TBXAS1: variants seen among roughly 807,000 people sequenced by gnomAD.
TBXAS1 encodes thromboxane-A synthase.
Under a neutral mutation model 60.7 loss-of-function variants are expected in TBXAS1, and 48 were observed. That is an observed-to-expected ratio of 0.79 (90% CI 0.63 to 1.01). TBXAS1 has a LOEUF of 1.01. Among genes scored for constraint, TBXAS1 ranks in the 50% least tolerant of loss-of-function variants. The probability of loss-of-function intolerance (pLI) is 0.00; values close to 1 mark genes in which losing one functional copy is unlikely to be tolerated. For synonymous variants in TBXAS1, 287 were observed against 269.7 expected, an observed-to-expected ratio of 1.06 and a Z score of -0.63; for missense variants, 685 against 686.3, an observed-to-expected ratio of 1.00 and a Z score of 0.02.
At chr7:139,863,057 C>A (rs1448200174) in intron 1 of TBXAS1, among the ~76,000 whole-genome samples, 1 of 152,122 alleles carries the variant, frequency 6.6e-6, no homozygotes, top group Non-Finnish European at 1.5e-5. Context: ...ATTTCCTAAT[C>A]AGTAATATAA....
At chr7:139,989,229 G>A (rs778875389) in intron 9 of TBXAS1, among the ~76,000 whole-genome samples, 13 of 152,286 alleles carry the variant, frequency 8.5e-5, no homozygotes, top group Middle Eastern at 6.8e-3. Context: ...GTTTTTGAGC[G>A]ACTGCTCTTT....
chr7:139,984,613 A>AG (rs1812209819), intron 9 of TBXAS1, among the ~76,000 whole-genome samples: 1 of 109,864 alleles, frequency 9.1e-6, no homozygotes, highest in African/African-American at 4.5e-5. Flanking sequence ...AATAAGAAAG[A>AG]AAGAGAGAGA....
chr7:139,793,576 CTTG>C (rs1198035423), intron 4 of TBXAS1, among the ~76,000 whole-genome samples: 1 of 152,058 alleles, frequency 6.6e-6, no homozygotes, highest in Non-Finnish European at 1.5e-5. Context: ...ATGAAAGACT[CTTG>C]TTATAAATTT....
At chr7:139,799,272 C>A (rs916985929) in intron 4 of TBXAS1, among the ~76,000 whole-genome samples, 1 of 151,556 alleles carries the variant, frequency 6.6e-6, no homozygotes, top group African/African-American at 2.4e-5. Context: ...CTTTGTTGCC[C>A]AGGCTGGAGT....
At chr7:139,970,715 A>G (rs1375341402) in intron 9 of TBXAS1, among the ~76,000 whole-genome samples, 2 of 152,206 alleles carry the variant, frequency 1.3e-5, no homozygotes, top group African/African-American at 2.4e-5. Flanking sequence ...TATTAATCCT[A>G]AATAAAGCCT....
At chr7:139,938,223 G>A (rs1315275613) in intron 5 of TBXAS1, among the ~76,000 whole-genome samples, 1 of 152,294 alleles carries the variant, frequency 6.6e-6, no homozygotes, top group East Asian at 1.9e-4. Context: ...AGCAGGAGAT[G>A]GAGAGTGACT....
Position 140,015,764 on chromosome 7 carries a change from A to G in TBXAS1, c.1268A>G (p.Gln423Arg), listed in dbSNP as rs1208936187. Residue 423 changes from glutamine to arginine, a missense_variant, in exon 11 of 13, where the codon CAG (glutamine) becomes CGG (arginine). Transcript: ENST00000448866. ...GCTCAGGACTGCGAGGTGCTGGGGC[A>G]GCGCATCCCCGCAGGCGCTGTGCTA... is the stretch of plus-strand genomic sequence containing the variant. Reference protein sequence around the residue: ...EAAQDCEVLGQRIPAGAVLEM... With the variant: ...EAAQDCEVLGRRIPAGAVLEM... The G allele has an allele frequency of 1.9e-6, 3 of 1,613,524 alleles. No individual in the cohort carries two copies. Among genetic ancestry groups the G allele is most frequent in the Non-Finnish European group, 2.5e-6 (3 of 1,180,054 alleles).
At chr7:139,856,232 G>C (rs1206453374) in intron 1 of TBXAS1, among the ~76,000 whole-genome samples, 1 of 152,190 alleles carries the variant, frequency 6.6e-6, no homozygotes, top group East Asian at 1.9e-4. Context: ...ATTGTTCTAG[G>C]GGGAGCGAGA....
chr7:139,839,695 A>AC (rs772567955), intron 1 of TBXAS1, among the ~76,000 whole-genome samples: 1,995 of 145,832 alleles, frequency 0.014, 39 homozygotes, highest in East Asian at 0.063. Context: ...AAAAAAAAAA[A>AC]CAAATCAAAA....
intron 1 of TBXAS1, among the ~76,000 whole-genome samples, chr7:139,867,816 C>T (rs112065200): frequency 5.0e-5 from 7 of 138,944 alleles, no homozygotes; most frequent in African/African-American, 1.7e-4. Context: ...GACTCTGCCT[C>T]GAAAATAAAT....
intron 4 of TBXAS1, among the ~76,000 whole-genome samples, chr7:139,789,946 C>T (rs1439180578): frequency 6.6e-6 from 1 of 152,128 alleles, no homozygotes; most frequent in Non-Finnish European, 1.5e-5. Context: ...ATATTTTCTT[C>T]TAGAGTGTTT....
intron 9 of TBXAS1, among the ~76,000 whole-genome samples, chr7:139,986,080 G>A (rs1230790896): frequency 6.6e-6 from 1 of 152,266 alleles, no homozygotes; most frequent in Non-Finnish European, 1.5e-5. Context: ...AAACAGGCTG[G>A]CGGGCGGAGG....
intron 9 of TBXAS1, among the ~76,000 whole-genome samples, chr7:139,963,671 C>A (rs1213461708): frequency 6.6e-6 from 1 of 152,078 alleles, no homozygotes; most frequent in South Asian, 2.1e-4. Flanking sequence ...GAGCTGGAAG[C>A]GAGGCAATCT....
At chr7:139,783,234 G>A (rs1797057378) in intron 3 of TBXAS1, among the ~76,000 whole-genome samples, 1 of 151,846 alleles carries the variant, frequency 6.6e-6, no homozygotes, top group Non-Finnish European at 1.5e-5. Context: ...GGGGAATAGG[G>A]AAACATCATT....
intron 3 of TBXAS1, among the ~76,000 whole-genome samples, chr7:139,885,285 C>A (rs902707144): frequency 2.6e-5 from 4 of 152,162 alleles, no homozygotes; most frequent in Admixed American, 2.0e-4. Context: ...TGTTCCCAAT[C>A]GATAGAATGT....
intron 3 of TBXAS1, among the ~76,000 whole-genome samples, chr7:139,877,516 G>C (rs1802336736): frequency 7.0e-6 from 1 of 142,736 alleles, no homozygotes; most frequent in African/African-American, 2.6e-5. Context: ...TCTGCCTCCT[G>C]AGCTCAAGCG....
intron 9 of TBXAS1, among the ~76,000 whole-genome samples, chr7:140,000,346 A>G (rs1420692821): frequency 6.6e-6 from 1 of 152,130 alleles, no homozygotes; most frequent in African/African-American, 2.4e-5. Context: ...CTCTACAAAC[A>G]AACAAAAAAC....
intron 9 of TBXAS1, among the ~76,000 whole-genome samples, chr7:140,003,205 G>A (rs367789361): frequency 2.0e-4 from 30 of 151,438 alleles, no homozygotes; most frequent in Non-Finnish European, 3.5e-4. Context: ...CTTTACATAC[G>A]TATCTTTTTG....
chr7:139,845,336 C>T (rs112370140), intron 1 of TBXAS1, among the ~76,000 whole-genome samples: 17 of 152,206 alleles, frequency 1.1e-4, no homozygotes, highest in South Asian at 6.2e-4. Flanking sequence ...GGTTTAACTC[C>T]CCTCGCTTCT....
Sources: allele counts gnomAD v4.1 joint callset (sites outside exome capture counted in the v4.1 genomes callset), GRCh38; gene constraint gnomAD v4.1.1; transcripts MANE v1.5; gene names NCBI Gene and HGNC (gene_info 2026-07-23, HGNC 2026-07-21).